KMT2C: variants seen among roughly 807,000 people sequenced by gnomAD.
KMT2C encodes lysine methyltransferase 2C, also known as histone-lysine N-methyltransferase 2C.
KMT2C carries 88 observed loss-of-function variants against 507.9 expected under a neutral mutation model. The ratio of observed to expected loss-of-function variants is 0.17; its 90% CI spans 0.15 to 0.21. KMT2C has a LOEUF of 0.21. Among genes scored for constraint, KMT2C ranks in the 10% least tolerant of loss-of-function variants. KMT2C has a pLI of 1.00. For synonymous variants in KMT2C, 2,049 were observed against 2,080.8 expected (o/e 0.98, Z 0.42); for missense variants, 4,954 against 5,957.8 (o/e 0.83, Z 5.55).
In KMT2C at chr7:152,194,433, A is replaced by AT. The variant is rs769565234; in HGVS notation, c.4507+6dup. On this transcript the variant is annotated splice_region_variant and intron_variant, in intron 29 of 58. Transcript: ENST00000262189. ...TAGAAAGCCTAGATGTAGGGCAAAT[A>AT]TTTTACCATCTGTGACCATTTTGTC... 1.1e-5 allele frequency: 17 copies of AT among 1,612,926 alleles called. No individual in the cohort carries two copies. The highest frequency in any genetic ancestry group is 5.3e-5 in the African/African-American group (4 of 74,904).
At chr7:152,269,888 GATAA>G (rs1156460542) in intron 7 of KMT2C, among the ~76,000 whole-genome samples, 10 of 152,098 alleles carry the variant, frequency 6.6e-5, no homozygotes, top group Admixed American at 3.3e-4. Flanking sequence ...AAAGAGAAGA[GATAA>G]ATAAAAAAGA....
intron 14 of KMT2C, among the ~76,000 whole-genome samples, chr7:152,247,650 A>G (rs1372744813): frequency 1.3e-5 from 2 of 152,310 alleles, no homozygotes; most frequent in African/African-American, 4.8e-5. Context: ...ATTAGAAACT[A>G]TTATCAATAG....
At chr7:152,287,041 G>A (rs79697427) in intron 6 of KMT2C, among the ~76,000 whole-genome samples, 2 of 152,140 alleles carry the variant, frequency 1.3e-5, no homozygotes, top group African/African-American at 4.8e-5. Context: ...CCCCACTCCT[G>A]CCCACGGACA....
At chr7:152,165,712 G>GAGT (rs1170511109) in intron 42 of KMT2C, among the ~76,000 whole-genome samples, 1 of 152,134 alleles carries the variant, frequency 6.6e-6, no homozygotes, top group African/African-American at 2.4e-5. Flanking sequence ...TTTGAGACAA[G>GAGT]AGTTTTGCTC....
chr7:152,215,688 T>TATATATATATATATATATATATACAC lies in KMT2C; in HGVS notation c.3712+4834_3712+4835insGTGTATATATATATATATATATATAT, dbSNP rs766518165. On this transcript the variant is annotated intron_variant, in intron 23 of 58. Coordinates refer to ENST00000262189, the MANE Select transcript of KMT2C (RefSeq NM_170606.3). ...ACAAAAGGAACAAAATATATATATA[T>TATATATATATATATATATATATACAC]ACACACACACATACACACACAAAAT... Among the ~76,000 whole-genome samples the TATATATATATATATATATATATACAC allele has an allele frequency of 2.2e-4, 29 of 134,480 alleles. 1 individual carries two copies. The highest frequency in any genetic ancestry group is 7.8e-4 in the African/African-American group (23 of 29,652). 88.2% of individuals were successfully genotyped at this position (134,480 alleles called of 152,430 possible). A position where few individuals can be genotyped will look rare whatever the true frequency, so the allele number is the denominator to read the frequency against.
intron 28 of KMT2C, among the ~76,000 whole-genome samples, 176 bp downstream of exon 28, chr7:152,195,731 C>T (rs2093942781): frequency 6.6e-6 from 1 of 152,118 alleles, no homozygotes; most frequent in Admixed American, 6.5e-5. Context: ...CTTGCTATAC[C>T]CCTCCTAAAG....
Position 152,176,288 on chromosome 7 carries a change from TAGA to T in KMT2C, c.9162_9164del (p.Leu3055del), listed in dbSNP as rs748601572. ...GCCTTTCTTGATCCAAAAGATCCTG[TAGA>T]AGTAGAGGCTGTTCTTCTAGAAGAA... On this transcript the variant is annotated inframe_deletion, in exon 38 of 59. Coordinates refer to ENST00000262189, the MANE Select transcript of KMT2C (RefSeq NM_170606.3). The T allele has an allele frequency of 6.2e-7, 1 of 1,614,154 alleles. No individual in the cohort carries two copies. Among genetic ancestry groups the T allele is most frequent in the Non-Finnish European group, 8.5e-7 (1 of 1,180,012 alleles).
intron 3 of KMT2C, among the ~76,000 whole-genome samples, chr7:152,325,869 T>C (rs1168565493): frequency 2.6e-5 from 4 of 152,102 alleles, no homozygotes; most frequent in Admixed American, 6.5e-5. Context: ...ACGTGTTAAG[T>C]CTATAAATTA....
chr7:152,331,900 C>T (rs552045363), intron 2 of KMT2C, among the ~76,000 whole-genome samples: 86 of 151,936 alleles, frequency 5.7e-4, no homozygotes, highest in African/African-American at 1.9e-3. Context: ...CCACCTGCCT[C>T]GGCCTCCCAA....
intron 31 of KMT2C, 117 bp from the exon 32 acceptor site, chr7:152,187,964 T>A: frequency 1.1e-6 from 1 of 923,888 alleles, no homozygotes. Flanking sequence ...AAACACACAT[T>A]TTTTTCAACT....
At chr7:152,384,633 T>C (rs2097407062) in intron 1 of KMT2C, among the ~76,000 whole-genome samples, 2 of 126,798 alleles carry the variant, frequency 1.6e-5, no homozygotes, top group East Asian at 2.9e-4. Flanking sequence ...GATCCACCAC[T>C]AGCCGATGAC....
intron 18 of KMT2C, among the ~76,000 whole-genome samples, chr7:152,225,535 A>G (rs1165638570): frequency 6.6e-6 from 1 of 152,216 alleles, no homozygotes; most frequent in African/African-American, 2.4e-5. Flanking sequence ...GTGAAGACAG[A>G]ACACGTTGTA....
chr7:152,381,239 G>A (rs963570936), intron 1 of KMT2C, among the ~76,000 whole-genome samples: 48 of 152,106 alleles, frequency 3.2e-4, no homozygotes, highest in African/African-American at 1.1e-3. Context: ...CATTTATTTA[G>A]TGGGATTGAT....
rs1449933432 is a variant in KMT2C, at chr7:152,263,044, G to A, written c.1271C>T (p.Ser424Leu). 1 of 1,612,636 alleles carries A rather than the reference G, an allele frequency of 6.2e-7. No homozygotes were observed. The highest frequency in any genetic ancestry group is 1.3e-5 in the African/African-American group (1 of 74,878). The change falls in exon 9 of 59, where the codon TCA becomes TTA. Residue 424 changes from serine to leucine, a missense_variant. By Grantham distance (145) the Ser-to-Leu change is moderately radical. Transcript: ENST00000262189. ...HTFCLQPVMKSVPTNGWKCKN... is the reference protein window; with the variant it reads ...HTFCLQPVMKLVPTNGWKCKN... The stretch of plus-strand genomic sequence containing the variant: ...GCATTTCCAGCCATTGGTTGGTACT[G>A]ATTTCATAACTGGTTGAAGACAAAA...
chr7:152,276,241 C>T (rs1292597217), intron 6 of KMT2C, among the ~76,000 whole-genome samples: 2 of 152,166 alleles, frequency 1.3e-5, no homozygotes, highest in Non-Finnish European at 2.9e-5. Flanking sequence ...TATACACAGT[C>T]TGGAATGTAT....
At chr7:152,212,477 T>A (rs1442832671) in intron 23 of KMT2C, among the ~76,000 whole-genome samples, 3 of 152,124 alleles carry the variant, frequency 2.0e-5, no homozygotes, top group Non-Finnish European at 4.4e-5. Context: ...GGTAAAATTA[T>A]CCCTGTGTGC....
intron 1 of KMT2C, among the ~76,000 whole-genome samples, chr7:152,365,627 C>T (rs2097236766): frequency 6.6e-6 from 1 of 152,172 alleles, no homozygotes; most frequent in Non-Finnish European, 1.5e-5. Flanking sequence ...CTCAAGCGAT[C>T]CTCCCACCTT....
Position 152,177,742 on chromosome 7 carries a change from G to A in KMT2C, c.7711C>T (p.Arg2571Trp), listed in dbSNP as rs779874722. 1.7e-5 allele frequency: 27 copies of A among 1,613,962 alleles called. No individual in the cohort carries two copies. Among genetic ancestry groups the A allele is most frequent in the Admixed American group, 6.7e-5 (4 of 60,006 alleles). The change falls in exon 38 of 59, where the codon CGG (arginine) becomes TGG (tryptophan). Residue 2571 changes from arginine (R) to tryptophan (W), a missense_variant. Transcript: ENST00000262189. ...LRHRAPDGRQ[R>W]LPFSAPPGSV... ...CCAGGTGGAGCACTGAAAGGCAGCCGTTGCCTTCCGTCAGGAGCCCTATGT... is the reference window on the plus strand; with the variant it reads ...CCAGGTGGAGCACTGAAAGGCAGCCATTGCCTTCCGTCAGGAGCCCTATGT...
At chr7:152,304,561 T>C (rs906513870) in intron 6 of KMT2C, among the ~76,000 whole-genome samples, 1 of 152,232 alleles carries the variant, frequency 6.6e-6, no homozygotes, top group Admixed American at 6.5e-5. Context: ...CCCCAGGACA[T>C]GTTTCTTTGA....
Sources: allele counts gnomAD v4.1 joint callset (sites outside exome capture counted in the v4.1 genomes callset), GRCh38; gene constraint gnomAD v4.1.1; transcripts MANE v1.5; gene names NCBI Gene and HGNC (gene_info 2026-07-23, HGNC 2026-07-21).